The following HERC3 variants were observed in gnomAD, a reference collection of about 807,000 sequenced individuals.
HERC3 encodes HECT and RLD domain containing E3 ubiquitin protein ligase 3.
HERC3 carries 58 observed loss-of-function variants against 129.9 expected under a neutral mutation model. The observed-to-expected ratio is 0.45, with a 90% CI of 0.36 to 0.56. The LOEUF is 0.56. Among genes scored for constraint, HERC3 ranks in the 20% least tolerant of loss-of-function variants. The pLI is 0.00. For missense variants in HERC3, 835 were observed against 1,244.2 expected, an observed-to-expected ratio of 0.67 and a Z score of 4.95; for synonymous variants, 430 against 451.0, an observed-to-expected ratio of 0.95 and a Z score of 0.59.
At chr4:88,531,525 TA>T in the HERC3 span, among the ~76,000 whole-genome samples, 2 of 152,202 alleles carry the variant, frequency 1.3e-5, no homozygotes, top group African/African-American at 4.8e-5. Flanking sequence ...ATGAAATCAA[TA>T]AAAAATTTGC....
At chr4:88,585,608 C>A in the HERC3 span, among the ~76,000 whole-genome samples, 2 of 138,942 alleles carry the variant, frequency 1.4e-5, no homozygotes, top group Admixed American at 7.8e-5. Context: ...AAATGATGAA[C>A]AACAATTTGA....
At chr4:88,658,800 T>C (rs1730187182) in intron 10 of HERC3, among the ~76,000 whole-genome samples, 1 of 152,210 alleles carries the variant, frequency 6.6e-6, no homozygotes, top group Non-Finnish European at 1.5e-5. Flanking sequence ...CATTATTTGA[T>C]TTTCCATTTC....
the HERC3 span, among the ~76,000 whole-genome samples, chr4:88,561,818 C>A: frequency 2.0e-5 from 3 of 152,160 alleles, no homozygotes; most frequent in East Asian, 5.8e-4. Flanking sequence ...CAAGTTCCAT[C>A]CATGCTGTTG....
the HERC3 span, among the ~76,000 whole-genome samples, chr4:88,581,010 T>C: frequency 3.9e-5 from 6 of 152,108 alleles, no homozygotes; most frequent in African/African-American, 1.4e-4. Flanking sequence ...AGGGGATAGA[T>C]GATCAAAAAA....
the HERC3 span, among the ~76,000 whole-genome samples, chr4:88,561,602 CTTA>C: frequency 1.3e-5 from 2 of 152,100 alleles, no homozygotes; most frequent in African/African-American, 4.8e-5. Flanking sequence ...AACACTAGAT[CTTA>C]TTCATTCTAG....
chr4:88,529,438 C>A, the HERC3 span, among the ~76,000 whole-genome samples: 3 of 151,680 alleles, frequency 2.0e-5, no homozygotes, highest in Admixed American at 2.0e-4. Flanking sequence ...GCCTAGGAGA[C>A]AGAGCAAGAC....
chr4:88,682,405 T>C (rs1430989048), intron 21 of HERC3, among the ~76,000 whole-genome samples: 1 of 152,124 alleles, frequency 6.6e-6, no homozygotes, highest in African/African-American at 2.4e-5. Context: ...ATGTGCCATG[T>C]TGGTGTGCTG....
the HERC3 span, among the ~76,000 whole-genome samples, chr4:88,569,103 A>G: frequency 6.6e-6 from 1 of 152,180 alleles, no homozygotes; most frequent in Non-Finnish European, 1.5e-5. Flanking sequence ...AGAGCACTTT[A>G]GCCTGTGGTG....
At chr4:88,689,722 C>T (rs572826959) in intron 23 of HERC3, among the ~76,000 whole-genome samples, 16 of 152,046 alleles carry the variant, frequency 1.1e-4, no homozygotes, top group South Asian at 2.1e-4. Context: ...GGATTACAGG[C>T]GTGTACCACC....
chr4:88,704,293 A>T lies in HERC3; in HGVS notation c.2841+12A>T. ...AAGAACTGGAAGAGGTAAGCACAAA[A>T]GATCCTTTAACTCCTTTAACTCCGG... On this transcript the variant is annotated intron_variant, in intron 24 of 25. Coordinates refer to ENST00000402738, the MANE Select transcript of HERC3 (RefSeq NM_014606.3). The T allele has an allele frequency of 6.2e-7, 1 of 1,613,614 alleles. No individual in the cohort carries two copies. The highest frequency in any genetic ancestry group is 2.2e-5 in the East Asian group (1 of 44,870).
Position 88,669,982 on chromosome 4 carries a change from T to C in HERC3, c.1756T>C (p.Tyr586His). Reference protein sequence around the residue: ...TFLIPVLFNNYITAALKLLEK... With the variant: ...TFLIPVLFNNHITAALKLLEK... ...CTTAATTCCCGTACTGTTTAACAAT[T>C]ATATCACAGCAGCTCTCAAACTCTT... Residue 586 changes from tyrosine (Y) to histidine (H), a missense_variant, in exon 15 of 26, where the codon TAT becomes CAT. Tyr to His is a moderately conservative substitution (Grantham distance 83). Transcript: ENST00000402738. 6.2e-7 allele frequency: 1 copy of C among 1,613,954 alleles called. No individual in the cohort carries two copies. Among genetic ancestry groups the C allele is most frequent in the South Asian group, 1.1e-5 (1 of 91,076 alleles).
At chr4:88,578,455 G>A in the HERC3 span, among the ~76,000 whole-genome samples, 6 of 151,878 alleles carry the variant, frequency 4.0e-5, no homozygotes, top group South Asian at 2.1e-4. Context: ...GGAGGGGGGC[G>A]CCTGTAGTCC....
At chr4:88,704,468 T>C in intron 24 of HERC3, 40 bp from the exon 25 acceptor site, 1 of 1,403,696 alleles carries the variant, frequency 7.1e-7, no homozygotes, top group Non-Finnish European at 1.0e-6. Flanking sequence ...TATAATATTC[T>C]TCCAAGATAC....
chr4:88,596,023 G>C (rs545474496), intron 2 of HERC3, among the ~76,000 whole-genome samples: 2 of 151,824 alleles, frequency 1.3e-5, no homozygotes, highest in South Asian at 4.2e-4. Flanking sequence ...CTAATTTTTT[G>C]TATTTTTAGT....
intron 22 of HERC3, 63 bp from the exon 23 acceptor site, chr4:88,687,154 G>T: frequency 8.0e-7 from 1 of 1,255,532 alleles, no homozygotes; most frequent in South Asian, 1.3e-5. Context: ...TCAGTCATTT[G>T]AGTTCTAGAA....
At chr4:88,529,646 C>T in the HERC3 span, among the ~76,000 whole-genome samples, 5 of 151,652 alleles carry the variant, frequency 3.3e-5, no homozygotes, top group African/African-American at 9.7e-5. Flanking sequence ...CCCAGTTACT[C>T]GGGAGGCTGA....
the HERC3 span, among the ~76,000 whole-genome samples, chr4:88,542,351 A>G: frequency 6.6e-6 from 1 of 152,234 alleles, no homozygotes; most frequent in Non-Finnish European, 1.5e-5. Flanking sequence ...CGAGAAATGG[A>G]TACATTCCTG....
chr4:88,534,140 A>T, the HERC3 span, among the ~76,000 whole-genome samples: 1 of 152,310 alleles, frequency 6.6e-6, no homozygotes, highest in Admixed American at 6.5e-5. Flanking sequence ...ACTGAATAGG[A>T]GGCTTGAAAT....
At position 88,614,927 on chromosome 4, in the gene HERC3, G is replaced by C. The variant is rs867213520; in HGVS notation, c.226+8878G>C. ...CAGCAGGTGTCAAACAGGTGATACA[G>C]GTCCTATGTGTGTCAAAATAAGTGT... is the stretch of plus-strand genomic sequence containing the variant. On this transcript the variant is annotated intron_variant, in intron 3 of 25. Coordinates refer to ENST00000402738, the MANE Select transcript of HERC3 (RefSeq NM_014606.3). 2.0e-5 allele frequency among the ~76,000 whole-genome samples: 3 copies of C among 152,290 alleles called. No individual in the cohort carries two copies. The South Asian group carries it at 6.2e-4, about 32-fold the overall frequency.
Sources: gnomAD v4.1 joint callset for allele counts (sites outside exome capture counted in the v4.1 genomes callset) on GRCh38, gnomAD v4.1.1 for gene constraint, MANE v1.5 for transcripts, NCBI Gene and HGNC (gene_info 2026-07-23, HGNC 2026-07-21) for gene names.